Variants in AMPH observed in about 807,000 individuals in gnomAD.
The protein encoded by AMPH is amphiphysin, also known as amphiphysin (Stiff-Mann syndrome with breast cancer 128kD autoantigen).
AMPH carries 49 observed loss-of-function variants against 99.1 expected under a neutral mutation model. That is an observed-to-expected ratio of 0.49 (90% confidence interval 0.39 to 0.63). The LOEUF is 0.63. Among genes scored for constraint, AMPH ranks in the 20% least tolerant of loss-of-function variants. AMPH has a pLI of 0.00. For synonymous variants in AMPH, 314 were observed against 317.3 expected (o/e 0.99, Z 0.11); for missense variants, 759 against 863.4 (o/e 0.88, Z 1.52).
At chr7:38,455,279 C>G (rs6966612) in intron 11 of AMPH, among the ~76,000 whole-genome samples, 1 of 151,902 alleles carries the variant, frequency 6.6e-6, no homozygotes, top group Non-Finnish European at 1.5e-5. Context: ...CCTTGTTGGT[C>G]AGACTTGTCT....
At chr7:38,630,393 G>A (rs1167827187) in intron 1 of AMPH, among the ~76,000 whole-genome samples, 1 of 152,136 alleles carries the variant, frequency 6.6e-6, no homozygotes, top group African/African-American at 2.4e-5. Context: ...CACCTGCTTT[G>A]GGCTGTGCTT....
intron 2 of AMPH, among the ~76,000 whole-genome samples, chr7:38,534,008 A>G (rs1439430462): frequency 6.6e-6 from 1 of 152,102 alleles, no homozygotes; most frequent in Non-Finnish European, 1.5e-5. Flanking sequence ...CATACACTAA[A>G]GGAACAAACA....
At chr7:38,503,501 G>GA (rs1454688530) in intron 3 of AMPH, 149 bp downstream of exon 3, 2 of 540,378 alleles carry the variant, frequency 3.7e-6, no homozygotes, top group African/African-American at 2.0e-5. Flanking sequence ...GGGGCGGGGG[G>GA]GTGGGTGGTG....
At chr7:38,510,401 C>T (rs912163770) in intron 2 of AMPH, among the ~76,000 whole-genome samples, 3 of 152,108 alleles carry the variant, frequency 2.0e-5, no homozygotes, top group African/African-American at 7.2e-5. Flanking sequence ...AGGAATTCAG[C>T]TAATGACTCT....
intron 14 of AMPH, chr7:38,429,511 C>T (rs1007711306): frequency 8.2e-5 from 112 of 1,365,550 alleles, no homozygotes; most frequent in Non-Finnish European, 1.0e-4. Flanking sequence ...ATTTCTTCGG[C>T]CAACCCACTG....
chr7:38,558,347 T>C (rs920800341), intron 1 of AMPH, among the ~76,000 whole-genome samples: 3 of 152,030 alleles, frequency 2.0e-5, no homozygotes, highest in African/African-American at 7.2e-5. Context: ...GCAGGTGGAG[T>C]GCACCTGGCC....
At chr7:38,535,132 A>T (rs147474709) in intron 1 of AMPH, 121 bp from the exon 2 acceptor site, 8,268 of 781,900 alleles carry the variant, frequency 0.011, 198 homozygotes, top group Admixed American at 0.054. Context: ...AACTATCAGC[A>T]CTTCTAATTT....
chr7:38,615,401 C>T (rs996155700), intron 1 of AMPH, among the ~76,000 whole-genome samples: 4 of 152,072 alleles, frequency 2.6e-5, no homozygotes, highest in Admixed American at 2.6e-4. Flanking sequence ...TTCATTAAGT[C>T]TAAAAAGGGA....
chr7:38,574,149 A>C (rs114649928), intron 1 of AMPH, among the ~76,000 whole-genome samples: 3 of 152,224 alleles, frequency 2.0e-5, no homozygotes, highest in African/African-American at 7.2e-5. Flanking sequence ...ACATTACTGA[A>C]TCATCTTGAT....
intron 1 of AMPH, among the ~76,000 whole-genome samples, chr7:38,568,266 C>A (rs930114763): frequency 1.3e-5 from 2 of 152,104 alleles, no homozygotes; most frequent in African/African-American, 4.8e-5. Context: ...GAGATCGAGA[C>A]CATCTTGGCT....
intron 1 of AMPH, among the ~76,000 whole-genome samples, chr7:38,616,504 A>G (rs192723221): frequency 6.6e-6 from 1 of 152,304 alleles, no homozygotes; most frequent in East Asian, 1.9e-4. Context: ...ACCCAAGATA[A>G]ATAAGTGGTT....
chr7:38,397,064 T>C (rs552592160), intron 17 of AMPH, among the ~76,000 whole-genome samples: 3 of 152,332 alleles, frequency 2.0e-5, no homozygotes, highest in South Asian at 2.1e-4. Flanking sequence ...TCTATCTACA[T>C]GCAGACGGTA....
Position 38,427,397 on chromosome 7 carries a change from A to G in AMPH, c.1183-411T>C, listed in dbSNP as rs145954596. 5.2e-3 allele frequency among the ~76,000 whole-genome samples: 791 copies of G among 152,316 alleles called. 8 individuals are homozygous for G. The highest frequency in any genetic ancestry group is 8.5e-3 in the Non-Finnish European group (577 of 68,014). On this transcript the variant is annotated intron_variant, in intron 14 of 20. Transcript: ENST00000356264. ...AGCAATTATGATATTTTACAGTTTC[A>G]GTGGGCCTGGGTTGAAACATTTCGT...
At position 38,409,699 on chromosome 7, in the gene AMPH, C is replaced by T. The variant is rs1435544231; in HGVS notation, c.1398+8126G>A. Among the ~76,000 whole-genome samples, 6 of 152,132 alleles carry T rather than the reference C, an allele frequency of 3.9e-5. No individual in the cohort carries two copies. The South Asian group carries it at 6.2e-4, about 16-fold the overall frequency. ...AGTCCTATCATGAACCCTCAGCAGC[C>T]GGGTCCCAGAGCAACTCAACTGCAG... On this transcript the variant is annotated intron_variant, in intron 17 of 20. Coordinates refer to ENST00000356264, the MANE Select transcript of AMPH (RefSeq NM_001635.4).
intron 11 of AMPH, among the ~76,000 whole-genome samples, chr7:38,456,588 G>A (rs970848289): frequency 1.8e-4 from 27 of 152,274 alleles, no homozygotes; most frequent in Non-Finnish European, 1.9e-4. Context: ...CCAGCAGCAG[G>A]CCAAGGGACT....
intron 16 of AMPH, among the ~76,000 whole-genome samples, chr7:38,420,565 C>A (rs976498133): frequency 1.3e-5 from 2 of 152,174 alleles, no homozygotes; most frequent in African/African-American, 2.4e-5. Context: ...CTCTGAGGAC[C>A]ATAAACCAAT....
chr7:38,484,696 ATACTT>A (rs1047497246), intron 5 of AMPH, among the ~76,000 whole-genome samples: 57 of 152,084 alleles, frequency 3.7e-4, no homozygotes, highest in African/African-American at 1.4e-3. Flanking sequence ...CAAATACAGA[ATACTT>A]TATTACTGTA....
intron 3 of AMPH, among the ~76,000 whole-genome samples, chr7:38,498,866 GTTTCATCCAGCTCAGT>G (rs1789027775): frequency 6.6e-6 from 1 of 152,116 alleles, no homozygotes; most frequent in Non-Finnish European, 1.5e-5. Flanking sequence ...GCCTTTCCAT[GTTTCATCCAGCTCAGT>G]TTTCTGCTTG....
At chr7:38,510,694 C>T (rs950751970) in intron 2 of AMPH, among the ~76,000 whole-genome samples, 8 of 152,102 alleles carry the variant, frequency 5.3e-5, no homozygotes, top group Admixed American at 3.3e-4. Flanking sequence ...CCGTATGATC[C>T]GCCTCAAGAG....
Sources: allele counts gnomAD v4.1 joint callset (sites outside exome capture counted in the v4.1 genomes callset), GRCh38; gene constraint gnomAD v4.1.1; transcripts MANE v1.5; gene names NCBI Gene and HGNC (gene_info 2026-07-23, HGNC 2026-07-21).